The following SAMD12 variants were observed in gnomAD, a reference collection of about 807,000 sequenced individuals.
SAMD12 encodes the protein sterile alpha motif domain-containing protein 12.
SAMD12 carries 9 observed loss-of-function variants against 15.0 expected under a neutral mutation model. The observed-to-expected ratio is 0.60, with a 90% CI of 0.36 to 1.05. SAMD12 has a LOEUF of 1.05. SAMD12 is among the 50% of genes least tolerant of loss of function. The pLI is 0.01. For synonymous variants in SAMD12, 86 were observed against 90.1 expected (o/e 0.96, Z 0.25); for missense variants, 230 against 234.2 (o/e 0.98, Z 0.12).
At chr8:118,548,702 C>G (rs143384259) in intron 2 of SAMD12, among the ~76,000 whole-genome samples, 2 of 152,170 alleles carry the variant, frequency 1.3e-5, no homozygotes, top group Admixed American at 6.5e-5. Flanking sequence ...GCGCACCGTG[C>G]GCGAGCCGAA....
rs1489365078 is a variant in SAMD12, at chr8:118,472,365, GA to G, written c.193-32405del. ...GTTGTCAGGTGTGGTAATGGGTCTC[GA>G]AAGCCTGTCACACAGCTGAGTTTCA... On this transcript the variant is annotated intron_variant, in intron 2 of 3. Transcript: ENST00000314727. Among the ~76,000 whole-genome samples the G allele has an allele frequency of 2.6e-5, 4 of 151,904 alleles. No homozygotes were observed. In the South Asian group the frequency reaches 6.3e-4, roughly 24 times the overall value.
At position 118,430,487 on chromosome 8, in the gene SAMD12, C is replaced by T. The variant is rs367811984; in HGVS notation, c.322+9345G>A. On this transcript the variant is annotated intron_variant, in intron 3 of 3. Coordinates refer to ENST00000314727, the MANE Select transcript of SAMD12 (RefSeq NM_207506.3). ...AAGCGATTCTCCTGCTTCAGCCTCC[C>T]GAGTAGCTGGGACTACAGGTGTATG... 5.9e-5 allele frequency among the ~76,000 whole-genome samples: 9 copies of T among 152,020 alleles called. No homozygotes were observed. The South Asian group carries it at 8.3e-4, about 14-fold the overall frequency.
chr8:118,232,555 T>C (rs966761540), intron 4 of SAMD12, among the ~76,000 whole-genome samples: 4 of 152,144 alleles, frequency 2.6e-5, no homozygotes, highest in African/African-American at 9.7e-5. Context: ...ATGTCCTTAT[T>C]AGAACACCAG....
At chr8:118,368,075 A>T (rs1402726473) in intron 4 of SAMD12, among the ~76,000 whole-genome samples, 2 of 152,200 alleles carry the variant, frequency 1.3e-5, no homozygotes, top group Admixed American at 1.3e-4. Flanking sequence ...TTTGGCCTTT[A>T]AATATAAAGC....
chr8:118,274,282 A>G (rs1813426373), intron 4 of SAMD12, among the ~76,000 whole-genome samples: 2 of 152,218 alleles, frequency 1.3e-5, no homozygotes, highest in African/African-American at 4.8e-5. Flanking sequence ...CCAAATAAGC[A>G]CAAAAGGAAA....
chr8:118,540,443 A>G (rs1049489560), intron 2 of SAMD12, among the ~76,000 whole-genome samples: 1 of 152,178 alleles, frequency 6.6e-6, no homozygotes, highest in Non-Finnish European at 1.5e-5. Context: ...TTCTTAGTGG[A>G]AGAGAAATCT....
intron 2 of SAMD12, among the ~76,000 whole-genome samples, chr8:118,444,269 C>A (rs16891035): frequency 0.024 from 3,696 of 152,284 alleles, 135 homozygotes; most frequent in African/African-American, 0.084. Context: ...TCTACCACAT[C>A]ATTCTCTGAA....
At chr8:118,293,169 A>G (rs531631620) in intron 4 of SAMD12, among the ~76,000 whole-genome samples, 1 of 152,286 alleles carries the variant, frequency 6.6e-6, no homozygotes, top group East Asian at 1.9e-4. Flanking sequence ...AAGACCACAT[A>G]AGTGCTAATG....
At chr8:118,324,882 A>T (rs72675877) in intron 4 of SAMD12, among the ~76,000 whole-genome samples, 19,626 of 152,168 alleles carry the variant, frequency 0.13, 1,396 homozygotes, top group African/African-American at 0.16. Flanking sequence ...AGTAGTGATC[A>T]TGTATGTCCA....
At chr8:118,584,976 A>G (rs918055527) in intron 1 of SAMD12, among the ~76,000 whole-genome samples, 5 of 151,928 alleles carry the variant, frequency 3.3e-5, no homozygotes, top group African/African-American at 1.2e-4. Context: ...CACAAACTGA[A>G]AGCAGGAACT....
At chr8:118,333,662 G>C (rs1816909998) in intron 4 of SAMD12, among the ~76,000 whole-genome samples, 1 of 151,962 alleles carries the variant, frequency 6.6e-6, no homozygotes, top group Admixed American at 6.6e-5. Flanking sequence ...TAAAGTGTTA[G>C]TCACTAGGAG....
chr8:118,574,759 C>G (rs1023152401), intron 2 of SAMD12, among the ~76,000 whole-genome samples: 1 of 152,042 alleles, frequency 6.6e-6, no homozygotes, highest in African/African-American at 2.4e-5. Context: ...TTGTTCTGAC[C>G]CTTATGAGAA....
intron 1 of SAMD12, among the ~76,000 whole-genome samples, chr8:118,608,923 C>T (rs901769997): frequency 3.3e-5 from 5 of 152,084 alleles, no homozygotes; most frequent in South Asian, 4.1e-4. Flanking sequence ...TTAAGTGACA[C>T]GACATATTAT....
rs150158907 is a variant in SAMD12, at chr8:118,609,113, G to T, written c.13+12691C>A. On this transcript the variant is annotated intron_variant, in intron 1 of 3. Coordinates refer to ENST00000314727, the MANE Select transcript of SAMD12 (RefSeq NM_207506.3). Reference sequence around the variant, plus strand: ...AGTATGTATACATACATTTTTAAAAGATAGAATAAAGAACAAGTAAGATAA... The same window carrying T: ...AGTATGTATACATACATTTTTAAAATATAGAATAAAGAACAAGTAAGATAA... 2.2e-4 allele frequency among the ~76,000 whole-genome samples: 34 copies of T among 152,298 alleles called. No homozygotes were observed. In the East Asian group the frequency reaches 5.2e-3, roughly 23 times the overall value.
chr8:118,306,630 A>G (rs1815364317), intron 4 of SAMD12, among the ~76,000 whole-genome samples: 1 of 152,144 alleles, frequency 6.6e-6, no homozygotes, highest in African/African-American at 2.4e-5. Context: ...CCACCACCCC[A>G]GCCCTGCTCT....
At chr8:118,428,006 T>A (rs1189152992) in intron 3 of SAMD12, among the ~76,000 whole-genome samples, 1 of 152,208 alleles carries the variant, frequency 6.6e-6, no homozygotes, top group Non-Finnish European at 1.5e-5. Flanking sequence ...GTGATTTTTA[T>A]TTGGATTTTC....
At chr8:118,268,717 G>T (rs1813266143) in intron 4 of SAMD12, among the ~76,000 whole-genome samples, 1 of 152,200 alleles carries the variant, frequency 6.6e-6, no homozygotes, top group Non-Finnish European at 1.5e-5. Context: ...GGGAGGCTGA[G>T]GCATGAGAAT....
chr8:118,550,836 C>A (rs1270091844), intron 2 of SAMD12, among the ~76,000 whole-genome samples: 1 of 151,180 alleles, frequency 6.6e-6, no homozygotes, highest in African/African-American at 2.4e-5. Context: ...GGAGGAAGAT[C>A]TACCAAGCAA....
chr8:118,544,996 A>G (rs1037710915), intron 2 of SAMD12, among the ~76,000 whole-genome samples: 1 of 152,206 alleles, frequency 6.6e-6, no homozygotes, highest in African/African-American at 2.4e-5. Context: ...CTGGTTTTCA[A>G]ATTGTTTCAC....
Sources: allele counts gnomAD v4.1 joint callset (sites outside exome capture counted in the v4.1 genomes callset), GRCh38; gene constraint gnomAD v4.1.1; transcripts MANE v1.5; gene names NCBI Gene and HGNC (gene_info 2026-07-23, HGNC 2026-07-21).